DCLRE1C: variants seen among roughly 807,000 people sequenced by gnomAD.
DCLRE1C encodes DNA cross-link repair 1C.
DCLRE1C carries 47 observed loss-of-function variants against 61.4 expected under a neutral mutation model. The ratio of observed to expected loss-of-function variants is 0.77; its 90% confidence interval spans 0.61 to 0.98. The LOEUF (loss-of-function observed/expected upper bound fraction) is 0.98. DCLRE1C is among the 50% of genes least tolerant of loss of function. The probability of loss-of-function intolerance (pLI) is 0.00; values close to 1 mark genes in which losing one functional copy is unlikely to be tolerated. For missense variants in DCLRE1C, 858 were observed against 816.0 expected, an observed-to-expected ratio of 1.05 and a Z score of -0.63; for synonymous variants, 337 against 287.6, an observed-to-expected ratio of 1.17 and a Z score of -1.74.
chr10:14,954,373 G>A, upstream of DCLRE1C: 1 of 374,630 alleles, frequency 2.7e-6, no homozygotes, highest in Non-Finnish European at 5.1e-6. Context: ...AGAGCAGGTG[G>A]CCCCAGCCGA....
At chr10:14,921,911 C>T (rs1425845639) in intron 12 of DCLRE1C, among the ~76,000 whole-genome samples, 1 of 152,370 alleles carries the variant, frequency 6.6e-6, no homozygotes, top group Middle Eastern at 3.4e-3. Context: ...AGACCTCTCT[C>T]CAGAGATTCT....
Position 14,918,053 on chromosome 10 carries a change from A to G in DCLRE1C, c.1156+1685T>C, listed in dbSNP as rs75544970. 2.5e-3 allele frequency among the ~76,000 whole-genome samples: 375 copies of G among 152,288 alleles called. 11 individuals carry two copies. In the East Asian group the frequency reaches 0.064, roughly 26 times the overall value. ...ATGTGGAGCAACTGAACTCTCATAC[A>G]CTTCTCCTGGGAACACAAAATGGTC... On this transcript the variant is annotated intron_variant, in intron 13 of 13. Transcript: ENST00000378278.
chr10:14,946,741 C>T (rs1447759389), intron 2 of DCLRE1C, among the ~76,000 whole-genome samples: 1 of 152,064 alleles, frequency 6.6e-6, no homozygotes, highest in Non-Finnish European at 1.5e-5. Context: ...CATCAGCAGC[C>T]TGAGCACCTG....
intron 4 of DCLRE1C, among the ~76,000 whole-genome samples, chr10:14,938,411 G>A (rs559892035): frequency 6.6e-6 from 1 of 152,116 alleles, no homozygotes; most frequent in East Asian, 1.9e-4. Flanking sequence ...TAATTTGATG[G>A]GAAGAATACT....
At chr10:14,953,459 C>A (rs958500375) in intron 1 of DCLRE1C, among the ~76,000 whole-genome samples, 5 of 152,136 alleles carry the variant, frequency 3.3e-5, no homozygotes, top group African/African-American at 1.2e-4. Flanking sequence ...GGAGCTTGCA[C>A]TTCGTGGAGC....
Position 14,908,601 on chromosome 10 carries a change from T to C in DCLRE1C, c.1886A>G (p.His629Arg). 1 of 1,614,210 alleles carries C rather than the reference T, an allele frequency of 6.2e-7. No individual in the cohort carries two copies. Among genetic ancestry groups the C allele is most frequent in the Non-Finnish European group, 8.5e-7 (1 of 1,180,028 alleles). The change falls in exon 14 of 14, where the codon CAT (histidine) becomes CGT (arginine). Residue 629 changes from histidine (H) to arginine (R), a missense_variant. His to Arg is a conservative substitution (Grantham distance 29). Around this residue, in one of 2 missense-constraint regions of DCLRE1C, gnomAD observed 843 missense variants for 783.5 expected, o/e 1.08. Coordinates refer to ENST00000378278, the MANE Select transcript of DCLRE1C (RefSeq NM_001033855.3). ...TAGCAAACTTTTTTCCTCGGGTATA[T>C]GTGTCTCACTGCTTAGAGTAGTTGG... ...GEPTTLSSET[H>R]IPEEKSLLNL...
At chr10:14,936,636 T>C in intron 4 of DCLRE1C, 43 bp from the exon 5 acceptor site, 1 of 1,409,254 alleles carries the variant, frequency 7.1e-7, no homozygotes, top group Non-Finnish European at 1.0e-6. Context: ...AAAGCAGTTA[T>C]CATTAGGACC....
intron 13 of DCLRE1C, among the ~76,000 whole-genome samples, chr10:14,910,817 A>C (rs972084981): frequency 6.6e-6 from 1 of 152,192 alleles, no homozygotes; most frequent in Non-Finnish European, 1.5e-5. Context: ...ATAACGAAAA[A>C]TCAGAAACTA....
intron 3 of DCLRE1C, among the ~76,000 whole-genome samples, 177 bp from the exon 4 acceptor site, chr10:14,940,046 C>T (rs1407209712): frequency 6.6e-6 from 1 of 152,002 alleles, no homozygotes; most frequent in Admixed American, 6.6e-5. Flanking sequence ...GAAAATAATA[C>T]CTGTCTTGAG....
chr10:14,932,538 G>C (rs41297960), intron 9 of DCLRE1C, among the ~76,000 whole-genome samples: 80 of 152,202 alleles, frequency 5.3e-4, no homozygotes, highest in African/African-American at 1.7e-3. Context: ...TCAGGAGGCT[G>C]AGGCAGGAGA....
intron 1 of DCLRE1C, among the ~76,000 whole-genome samples, chr10:14,951,344 C>T (rs750945859): frequency 7.8e-6 from 1 of 128,244 alleles, no homozygotes; most frequent in South Asian, 2.6e-4. Flanking sequence ...GAGCCGAGAT[C>T]GCACCACTGC....
At chr10:14,914,412 CAAGT>C (rs1564382010) in intron 13 of DCLRE1C, among the ~76,000 whole-genome samples, 1 of 152,138 alleles carries the variant, frequency 6.6e-6, no homozygotes, top group Non-Finnish European at 1.5e-5. Context: ...GCAAAATAGG[CAAGT>C]CCACAATTAC....
rs1450812859 is a variant in DCLRE1C at position 14,923,000 on chromosome 10, T to C, written c.1042A>G (p.Met348Val). ...YPNVIPVGTT[M>V]DKVVEILKPL... ...ACTCACATTTCGACAACTTTATCCATAGTTGTGCCAACTGGAATGACATTT... is the reference window on the plus strand; with the variant it reads ...ACTCACATTTCGACAACTTTATCCACAGTTGTGCCAACTGGAATGACATTT... The change falls in exon 12 of 14, where the codon ATG becomes GTG. Residue 348 changes from methionine (M) to valine (V), a missense_variant. By Grantham distance (21) the Met-to-Val change is conservative. Around this residue, in one of 2 missense-constraint regions of DCLRE1C, gnomAD observed 843 missense variants for 783.5 expected, o/e 1.08. Transcript: ENST00000378278. 6.8e-6 allele frequency: 11 copies of C among 1,613,824 alleles called. No individual in the cohort carries two copies. The South Asian group carries it at 8.8e-5, about 13-fold the overall frequency.
rs796506224 is a variant in DCLRE1C, at chr10:14,936,740, A to G, written c.307-147T>C. 1.1e-5 allele frequency: 7 copies of G among 648,484 alleles called. No homozygotes were observed. In the African/African-American group the frequency reaches 1.3e-4, roughly 12 times the overall value. The allele number at this position is 648,484 out of a possible 1,614,324, so 40.2% of individuals were successfully genotyped here. ...TTTCCTCACACTCCAAATCCTAGAA[A>G]CAAGTGGAATCCTTGTCCACTCAAC... On this transcript the variant is annotated intron_variant, in intron 4 of 13. Coordinates refer to ENST00000378278, the MANE Select transcript of DCLRE1C (RefSeq NM_001033855.3).
intron 2 of DCLRE1C, chr10:14,947,394 T>C (rs1841860141): frequency 6.6e-6 from 1 of 152,162 alleles, no homozygotes; most frequent in Non-Finnish European, 1.5e-5. Flanking sequence ...ACCATTCCCA[T>C]TCTACCCTGT....
intron 3 of DCLRE1C, among the ~76,000 whole-genome samples, chr10:14,941,402 A>G (rs1840832102): frequency 1.3e-5 from 2 of 152,068 alleles, no homozygotes; most frequent in Non-Finnish European, 2.9e-5. Context: ...TTTCTGCCTC[A>G]GCCTTCTGAG....
chr10:14,914,922 A>G (rs1417666116), intron 13 of DCLRE1C, among the ~76,000 whole-genome samples: 1 of 151,254 alleles, frequency 6.6e-6, no homozygotes, highest in African/African-American at 2.5e-5. Context: ...CCTGGGGAAC[A>G]GAGAGAATCC....
intron 13 of DCLRE1C, among the ~76,000 whole-genome samples, chr10:14,915,780 CAAT>C (rs1025547791): frequency 1.1e-4 from 16 of 152,022 alleles, no homozygotes; most frequent in Admixed American, 2.6e-4. Flanking sequence ...CACCTCACAA[CAAT>C]GAGGCCAGCA....
At position 14,928,118 on chromosome 10, in the gene DCLRE1C, C is replaced by T; in HGVS notation, c.815G>A (p.Cys272Tyr). Residue 272 changes from cysteine to tyrosine, a missense_variant, in exon 10 of 14, where the codon TGT becomes TAT. By Grantham distance (194) the Cys-to-Tyr change is radical. Around this residue, in one of 2 missense-constraint regions of DCLRE1C, gnomAD observed 843 missense variants for 783.5 expected, o/e 1.08. Coordinates refer to ENST00000378278, the MANE Select transcript of DCLRE1C (RefSeq NM_001033855.3). ...AATTCTATTTCTGGAAGTAATTCCA[C>T]AGGGTAATTTGCTCCACTGAAAATA... Reference protein sequence around the residue: ...EEYFQWSKLPCGITSRNRIPL... With the variant: ...EEYFQWSKLPYGITSRNRIPL... 1 of 1,613,528 alleles carries T rather than the reference C, an allele frequency of 6.2e-7. No homozygotes were observed. The highest frequency in any genetic ancestry group is 8.5e-7 in the Non-Finnish European group (1 of 1,179,726).
Sources: allele counts gnomAD v4.1 joint callset (sites outside exome capture counted in the v4.1 genomes callset), GRCh38; gene constraint gnomAD v4.1.1; regional missense constraint gnomAD v4.1.1; transcripts MANE v1.5; gene names NCBI Gene and HGNC (gene_info 2026-07-23, HGNC 2026-07-21).